The following PRKDC variants were observed in gnomAD, a reference collection of about 807,000 sequenced individuals.
PRKDC encodes the protein DNA-dependent protein kinase catalytic subunit.
PRKDC carries 82 observed loss-of-function variants against 486.9 expected under a neutral mutation model. The observed-to-expected ratio is 0.17, with a 90% CI of 0.14 to 0.20. The LOEUF is 0.20. Ranked by LOEUF, PRKDC falls within the 10% of genes least tolerant of loss-of-function variation. The pLI is 1.00. For missense variants in PRKDC, 4,504 were observed against 5,038.2 expected (o/e 0.89, Z 3.21); for synonymous variants, 1,895 against 1,837.0 (o/e 1.03, Z -0.81).
At chr8:47,783,520 G>A (rs1046332564) in intron 78 of PRKDC, among the ~76,000 whole-genome samples, 2 of 151,912 alleles carry the variant, frequency 1.3e-5, no homozygotes, top group African/African-American at 4.8e-5. Flanking sequence ...AACCCGGGAG[G>A]CAGAGGTTGC....
At chr8:47,909,152 A>G (rs887285649) in intron 25 of PRKDC, among the ~76,000 whole-genome samples, 1 of 152,196 alleles carries the variant, frequency 6.6e-6, no homozygotes, top group African/African-American at 2.4e-5. Context: ...TTTAGCCACA[A>G]TCCTCTTTAT....
chr8:47,847,500 G>GA (rs1371340406), intron 54 of PRKDC, among the ~76,000 whole-genome samples: 1 of 152,102 alleles, frequency 6.6e-6, no homozygotes, highest in Non-Finnish European at 1.5e-5. Flanking sequence ...AATTAAGATG[G>GA]ATTACAGACT....
Position 47,918,282 on chromosome 8 carries a change from A to T in PRKDC, c.2521T>A (p.Ser841Thr). ...AAATACAAAGGACTTCTTACTGATG[A>T]AAGGTTCTTTGTCTTCTTCAGATGC... ...LKHLKKTKNL[S>T]SNEAISLEEI... The change falls in exon 22 of 86, where the codon TCA becomes ACA. Residue 841 changes from serine to threonine, a missense_variant. Ser to Thr is a moderately conservative substitution (Grantham distance 58). This residue lies in a region of PRKDC where 1,969 missense variants were observed against 2,068.9 expected (regional missense o/e 0.95). Coordinates refer to ENST00000314191, the MANE Select transcript of PRKDC (RefSeq NM_006904.7). 2 of 1,574,340 alleles carry T rather than the reference A, an allele frequency of 1.3e-6. No homozygotes were observed. Among genetic ancestry groups the T allele is most frequent in the Non-Finnish European group, 1.7e-6 (2 of 1,157,372 alleles).
chr8:47,799,282 C>T lies in PRKDC; in HGVS notation c.10225G>A (p.Val3409Met), dbSNP rs1222460394. 6.2e-7 allele frequency: 1 copy of T among 1,613,804 alleles called. No individual in the cohort carries two copies. Among genetic ancestry groups the T allele is most frequent in the African/African-American group, 1.3e-5 (1 of 75,038 alleles). ...PSWSCGPAAG[V>M]IDAYMTLADF... ...GCCAGCGTCATGTAAGCATCAATCA[C>T]CCCAGCTGCAGGCCCACAGCTCCAG... Residue 3409 changes from valine (V) to methionine (M), a missense_variant, in exon 72 of 86, where the codon GTG (valine) becomes ATG (methionine). Around this residue, in one of 6 missense-constraint regions of PRKDC, gnomAD observed 706 missense variants for 945.0 expected, o/e 0.75. Coordinates refer to ENST00000314191, the MANE Select transcript of PRKDC (RefSeq NM_006904.7).
In PRKDC at chr8:47,849,477, C is replaced by T. The variant is rs751921689; in HGVS notation, c.7032G>A (p.Leu2344=). Residue 2344 remains leucine, a synonymous_variant, in exon 53 of 86, where the codon CTG becomes CTA. Transcript: ENST00000314191. ...GATGTTGCTTCAATTGTTTCGCAAC[C>T]AGTTCACACAGAGACTCCTCCAGTA... The part of the protein sequence containing the change: ...KNILEESLCE[L]VAKQLKQHQN... 1.2e-6 allele frequency: 2 copies of T among 1,613,850 alleles called. No individual in the cohort carries two copies. The highest frequency in any genetic ancestry group is 1.3e-5 in the African/African-American group (1 of 74,938).
At chr8:47,937,563 A>AC (rs1397960717) in intron 11 of PRKDC, among the ~76,000 whole-genome samples, 4 of 152,186 alleles carry the variant, frequency 2.6e-5, no homozygotes, top group African/African-American at 9.7e-5. Context: ...TCAATTTCAG[A>AC]CTTTTCCAAG....
At chr8:47,916,913 G>A (rs917555538) in intron 22 of PRKDC, among the ~76,000 whole-genome samples, 17 of 152,116 alleles carry the variant, frequency 1.1e-4, no homozygotes, top group Admixed American at 9.8e-4. Flanking sequence ...GATCCCCCAG[G>A]GGTCACAGTT....
rs754898404 is a variant in PRKDC at position 47,936,411 on chromosome 8, ACACGGTCGT to A, written c.1211_1219del (p.Asp404_Arg406del). On this transcript the variant is annotated inframe_deletion, in exon 12 of 86. Coordinates refer to ENST00000314191, the MANE Select transcript of PRKDC (RefSeq NM_006904.7). ...CTGGAGGAAGCTTGGCATCTGATAA[ACACGGTCGT>A]CACCAGTGTCTGTCTGGGTGAGGAA... 1 of 1,614,006 alleles carries A rather than the reference ACACGGTCGT, an allele frequency of 6.2e-7. No homozygotes were observed.
At position 47,778,595 on chromosome 8, in the gene PRKDC, C is replaced by T. The variant is rs1352691929; in HGVS notation, c.11717G>A (p.Ser3906Asn). The change falls in exon 83 of 86, where the codon AGC becomes AAC. Residue 3906 changes from serine to asparagine, a missense_variant. Around this residue, in one of 6 missense-constraint regions of PRKDC, gnomAD observed 706 missense variants for 945.0 expected, o/e 0.75. Coordinates refer to ENST00000314191, the MANE Select transcript of PRKDC (RefSeq NM_006904.7). ...GCTGATGCATATCAGAGCGTGAGAG[C>T]TGGCGAAGTGGGAGCGGAGCGCCAG... ...AFLALRSHFA[S>N]SHALICISHW... The T allele has an allele frequency of 6.2e-7, 1 of 1,613,624 alleles. No individual in the cohort carries two copies. Among genetic ancestry groups the T allele is most frequent in the East Asian group, 2.2e-5 (1 of 44,878 alleles).
intron 30 of PRKDC, among the ~76,000 whole-genome samples, chr8:47,895,163 T>G (rs957704414): frequency 5.3e-5 from 8 of 151,812 alleles, no homozygotes; most frequent in African/African-American, 1.9e-4. Context: ...GGAGTTCGTG[T>G]CCAGCCCGGA....
intron 25 of PRKDC, among the ~76,000 whole-genome samples, chr8:47,910,014 AT>A (rs2089866182): frequency 6.6e-6 from 1 of 152,120 alleles, no homozygotes; most frequent in Non-Finnish European, 1.5e-5. Context: ...CCCAGTTCAT[AT>A]ACCCGCTCCT....
chr8:47,904,901 G>C lies in PRKDC; in HGVS notation c.3010C>G (p.Gln1004Glu). 6.2e-7 allele frequency: 1 copy of C among 1,613,030 alleles called. No homozygotes were observed. Among genetic ancestry groups the C allele is most frequent in the Non-Finnish European group, 8.5e-7 (1 of 1,179,170 alleles). ...GCTTCTAGTAAGGCAACAGTATCCTGACTTTCAAATTTCTTGTTGTTAGTG... is the reference window on the plus strand; with the variant it reads ...GCTTCTAGTAAGGCAACAGTATCCTCACTTTCAAATTTCTTGTTGTTAGTG... ...WFTNNKKFES[Q>E]DTVALLEAIL... The change falls in exon 26 of 86, where the codon CAG becomes GAG. Residue 1004 changes from glutamine (Q) to glutamate (E), a missense_variant. By Grantham distance (29) the Gln-to-Glu change is conservative. This residue lies in a region of PRKDC where 1,969 missense variants were observed against 2,068.9 expected (regional missense o/e 0.95). Coordinates refer to ENST00000314191, the MANE Select transcript of PRKDC (RefSeq NM_006904.7).
chr8:47,935,041 TG>T lies in PRKDC; in HGVS notation c.1464del (p.Arg489GlufsTer47). 1 of 1,524,164 alleles carries T rather than the reference TG, an allele frequency of 6.6e-7. No individual in the cohort carries two copies. Among genetic ancestry groups the T allele is most frequent in the Admixed American group, 2.0e-5 (1 of 49,040 alleles). The allele number at this position is 1,524,164 out of a possible 1,614,324, so 94.4% of individuals were successfully genotyped here. A position where few individuals can be genotyped will look rare whatever the true frequency, so the allele number is the denominator to read the frequency against. On this transcript the variant is annotated frameshift_variant, in exon 14 of 86. Transcript: ENST00000314191. LOFTEE classifies it high-confidence loss of function. Reference sequence around the variant, plus strand: ...AGGACCACTGGTTTAGAACATATTCTGATTAAACCCTGATGCACTGAAAAAA... The same window carrying T: ...AGGACCACTGGTTTAGAACATATTCTATTAAACCCTGATGCACTGAAAAAA... ...CISTVVHQGL[I>X]RICSKPVVLP... is the part of the protein sequence containing the mutation.
At chr8:47,897,383 TCA>T in intron 29 of PRKDC, 89 bp from the exon 30 acceptor site, 1 of 1,273,536 alleles carries the variant, frequency 7.9e-7, no homozygotes. Context: ...CTCATCTTTA[TCA>T]CACAGATATA....
chr8:47,870,076 C>T (rs1039099786), intron 40 of PRKDC, among the ~76,000 whole-genome samples: 1 of 152,214 alleles, frequency 6.6e-6, no homozygotes, highest in African/African-American at 2.4e-5. Context: ...TCATAGATGG[C>T]ATCTCTTGAC....
chr8:47,895,504 C>T (rs1179164570), intron 30 of PRKDC, among the ~76,000 whole-genome samples: 2 of 152,122 alleles, frequency 1.3e-5, no homozygotes, highest in Admixed American at 1.3e-4. Context: ...GCTGAGGTCA[C>T]AAGAAATCCT....
chr8:47,936,335 TCA>T lies in PRKDC; in HGVS notation c.1278+16_1278+17del. On this transcript the variant is annotated intron_variant, in intron 12 of 85. Coordinates refer to ENST00000314191, the MANE Select transcript of PRKDC (RefSeq NM_006904.7). ...GAAGATTAAATACTTAAAATTGTGC[TCA>T]GTTTAGTTCACTTACTGTGTCAAGG... is the stretch of plus-strand genomic sequence containing the variant. The T allele has an allele frequency of 3.2e-6, 5 of 1,583,206 alleles. No individual in the cohort carries two copies. Among genetic ancestry groups the T allele is most frequent in the South Asian group, 2.3e-5 (2 of 86,758 alleles).
Position 47,782,611 on chromosome 8 carries a change from G to T in PRKDC, c.11176-13C>A, listed in dbSNP as rs2086716587. 1 of 1,551,848 alleles carries T rather than the reference G, an allele frequency of 6.4e-7. No homozygotes were observed. Among genetic ancestry groups the T allele is most frequent in the Non-Finnish European group, 8.7e-7 (1 of 1,147,898 alleles). ...CCATGACTGTCACCTTCAAAAATCA[G>T]AATGTCATCTCAGGGCACAGGCTAG... is the stretch of plus-strand genomic sequence containing the variant. On this transcript the variant is annotated splice_polypyrimidine_tract_variant and intron_variant, in intron 78 of 85. Transcript: ENST00000314191. This position sits in a 1 kb window ranked among gnomAD's most constrained non-coding sequence, Gnocchi z 4.9.
chr8:47,841,597 G>A (rs1055417115), intron 54 of PRKDC, among the ~76,000 whole-genome samples: 2 of 152,344 alleles, frequency 1.3e-5, no homozygotes, highest in South Asian at 2.1e-4. Context: ...CAGGGTCTAA[G>A]CACATCGTTC....
Sources: allele counts gnomAD v4.1 joint callset (sites outside exome capture counted in the v4.1 genomes callset), GRCh38; gene constraint gnomAD v4.1.1; regional missense constraint gnomAD v4.1.1; non-coding constraint Gnocchi (gnomAD v3.1); transcripts MANE v1.5; gene names NCBI Gene and HGNC (gene_info 2026-07-23, HGNC 2026-07-21).